RIMS1: variants seen among roughly 807,000 people sequenced by gnomAD.
RIMS1 encodes the protein regulating synaptic membrane exocytosis 1.
A neutral mutation model predicts 214.1 loss-of-function variants in RIMS1; 83 were observed. That is an observed-to-expected ratio of 0.39 (90% CI 0.32 to 0.47). The LOEUF (loss-of-function observed/expected upper bound fraction) is 0.47. RIMS1 is among the 20% of genes least tolerant of loss of function. The probability of loss-of-function intolerance (pLI) is 0.99; values close to 1 mark genes in which losing one functional copy is unlikely to be tolerated. For missense variants in RIMS1, 2,050 were observed against 2,161.8 expected (o/e 0.95, Z 1.03); for synonymous variants, 793 against 786.8 (o/e 1.01, Z -0.13).
At chr6:72,084,712 G>T (rs556202470) in intron 2 of RIMS1, among the ~76,000 whole-genome samples, 1 of 152,188 alleles carries the variant, frequency 6.6e-6, no homozygotes, top group South Asian at 2.1e-4. Context: ...AATTGAAAAT[G>T]GAATTAAAAA....
At chr6:72,307,171 A>G in intron 26 of RIMS1, 87 bp from the exon 27 acceptor site, 1 of 815,284 alleles carries the variant, frequency 1.2e-6, no homozygotes, top group Non-Finnish European at 2.0e-6. Flanking sequence ...AATTGAAGTC[A>G]TTTCAAAAGC....
intron 1 of RIMS1, among the ~76,000 whole-genome samples, chr6:71,945,025 T>TAG (rs1787360470): frequency 6.6e-6 from 1 of 152,168 alleles, no homozygotes; most frequent in South Asian, 2.1e-4. Context: ...TGTGCAAACT[T>TAG]TCAAGACCTC....
intron 1 of RIMS1, among the ~76,000 whole-genome samples, chr6:71,897,924 T>C (rs541709929): frequency 6.6e-6 from 1 of 152,302 alleles, no homozygotes; most frequent in South Asian, 2.1e-4. Context: ...GGATGATTAT[T>C]CTAACCACGG....
intron 5 of RIMS1, among the ~76,000 whole-genome samples, chr6:72,180,346 G>C (rs1466602773): frequency 6.6e-6 from 1 of 152,218 alleles, no homozygotes; most frequent in African/African-American, 2.4e-5. Flanking sequence ...TCTAAAGAGT[G>C]ACTTTGAAAT....
rs117721140 is a variant in RIMS1 at position 72,304,600 on chromosome 6, T to C, written c.3851-2658T>C. Among the ~76,000 whole-genome samples, 1,124 of 152,014 alleles carry C rather than the reference T, an allele frequency of 7.4e-3. 4 individuals are homozygous for C. Among genetic ancestry groups the C allele is most frequent in the Non-Finnish European group, 0.012 (820 of 67,826 alleles). ...ATGTCATTTTATTCTAGATATATAG[T>C]TGAAAAATAAACATGGTAAAATCTT... On this transcript the variant is annotated intron_variant, in intron 26 of 33. Coordinates refer to ENST00000521978, the MANE Select transcript of RIMS1 (RefSeq NM_014989.7).
At chr6:72,206,901 T>G (rs1450201518) in intron 6 of RIMS1, among the ~76,000 whole-genome samples, 1 of 152,222 alleles carries the variant, frequency 6.6e-6, no homozygotes, top group African/African-American at 2.4e-5. Context: ...ACTTTGCATT[T>G]TAAAGATTCC....
intron 29 of RIMS1, among the ~76,000 whole-genome samples, chr6:72,375,218 A>G (rs1037979541): frequency 6.6e-6 from 1 of 152,182 alleles, no homozygotes; most frequent in Admixed American, 6.5e-5. Context: ...CCTCACTCTC[A>G]TGAGCTCTTT....
intron 6 of RIMS1, among the ~76,000 whole-genome samples, chr6:72,226,929 A>G (rs1020160745): frequency 3.9e-5 from 6 of 152,200 alleles, no homozygotes; most frequent in African/African-American, 1.2e-4. Flanking sequence ...CAATACTGAC[A>G]TATCTCAGTT....
chr6:72,001,965 A>G (rs148687277), intron 2 of RIMS1, among the ~76,000 whole-genome samples: 2 of 152,286 alleles, frequency 1.3e-5, no homozygotes, highest in East Asian at 3.9e-4. Flanking sequence ...TTATCTTCAT[A>G]TCTCTATAAT....
At chr6:72,242,894 G>A (rs1016096460) in intron 10 of RIMS1, among the ~76,000 whole-genome samples, 1 of 151,682 alleles carries the variant, frequency 6.6e-6, no homozygotes, top group African/African-American at 2.4e-5. Context: ...TTAACCATGA[G>A]TAATTTCAAC....
intron 2 of RIMS1, among the ~76,000 whole-genome samples, chr6:72,014,052 T>TA (rs1275672773): frequency 6.6e-6 from 1 of 152,220 alleles, no homozygotes; most frequent in African/African-American, 2.4e-5. Context: ...AATAAAGACA[T>TA]ACTCGAGACT....
At chr6:72,104,036 C>G (rs1430022143) in intron 4 of RIMS1, among the ~76,000 whole-genome samples, 4 of 151,874 alleles carry the variant, frequency 2.6e-5, no homozygotes, top group Non-Finnish European at 5.9e-5. Context: ...TTTTTCTTCT[C>G]TGGGGATTCT....
At chr6:72,384,449 T>C (rs1294568730) in intron 29 of RIMS1, among the ~76,000 whole-genome samples, 2 of 152,220 alleles carry the variant, frequency 1.3e-5, no homozygotes, top group African/African-American at 4.8e-5. Context: ...GTCACGTCTA[T>C]ATTTTTTTCT....
At chr6:72,186,226 C>T (rs910112587) in intron 6 of RIMS1, among the ~76,000 whole-genome samples, 15 of 152,214 alleles carry the variant, frequency 9.9e-5, no homozygotes, top group African/African-American at 3.6e-4. Context: ...AACTGTACTT[C>T]ACAAGTATTG....
chr6:71,972,261 A>G (rs1481744526), intron 2 of RIMS1, among the ~76,000 whole-genome samples: 1 of 152,208 alleles, frequency 6.6e-6, no homozygotes, highest in Non-Finnish European at 1.5e-5. Flanking sequence ...TATAGAGGCC[A>G]TTGGTGGCAT....
intron 4 of RIMS1, among the ~76,000 whole-genome samples, chr6:72,147,083 T>C (rs2042862528): frequency 6.6e-6 from 1 of 152,196 alleles, no homozygotes; most frequent in South Asian, 2.1e-4. Context: ...CCTGTATAAT[T>C]TAGACCACAT....
intron 2 of RIMS1, among the ~76,000 whole-genome samples, chr6:72,011,844 A>G (rs963368510): frequency 6.6e-6 from 1 of 151,816 alleles, no homozygotes; most frequent in African/African-American, 2.4e-5. Context: ...GTGCTGGAGA[A>G]GATCTGGAGA....
rs553325972 is a variant in RIMS1 at position 72,202,620 on chromosome 6, A to T, written c.1678+19471A>T. On this transcript the variant is annotated intron_variant, in intron 6 of 33. Transcript: ENST00000521978. Reference sequence around the variant, plus strand: ...AATTCAACTCAATGATAATATTCATAGGAGGAAAGAGACCAAGTCCTGTAG... The same window carrying T: ...AATTCAACTCAATGATAATATTCATTGGAGGAAAGAGACCAAGTCCTGTAG... Among the ~76,000 whole-genome samples the T allele has an allele frequency of 5.3e-5, 8 of 152,330 alleles. No individual in the cohort carries two copies. In the South Asian group the frequency reaches 1.4e-3, roughly 28 times the overall value.
intron 2 of RIMS1, among the ~76,000 whole-genome samples, chr6:72,075,674 C>T (rs1831646854): frequency 6.6e-6 from 1 of 152,162 alleles, no homozygotes; most frequent in South Asian, 2.1e-4. Context: ...ACCAGCCCAT[C>T]TATAATTCTC....
Sources: allele counts gnomAD v4.1 joint callset (sites outside exome capture counted in the v4.1 genomes callset), GRCh38; gene constraint gnomAD v4.1.1; transcripts MANE v1.5; gene names NCBI Gene and HGNC (gene_info 2026-07-23, HGNC 2026-07-21).